GSE1: variants seen among roughly 807,000 people sequenced by gnomAD.
GSE1 encodes the protein genetic suppressor element 1.
GSE1 carries 32 observed loss-of-function variants against 112.6 expected under a neutral mutation model. That is an observed-to-expected ratio of 0.28 (90% CI 0.21 to 0.38). GSE1 has a LOEUF of 0.38. GSE1 is among the 10% of genes least tolerant of loss of function. The pLI is 1.00. For missense variants in GSE1, 2,348 were observed against 1,699.2 expected (o/e 1.38, Z -6.71); for synonymous variants, 1,115 against 735.6 (o/e 1.52, Z -8.35).
chr16:85,633,042 G>T (rs1345597597), intron 1 of GSE1, among the ~76,000 whole-genome samples: 1 of 150,184 alleles, frequency 6.7e-6, no homozygotes, highest in Non-Finnish European at 1.5e-5. Flanking sequence ...GTCACCACTG[G>T]CCGGGAGGGC....
intron 1 of GSE1, among the ~76,000 whole-genome samples, chr16:85,213,450 C>T (rs2143678320): frequency 6.6e-6 from 1 of 152,112 alleles, no homozygotes; most frequent in East Asian, 1.9e-4. Flanking sequence ...GAAACGCTGT[C>T]TCTAAAAATT....
intron 2 of GSE1, among the ~76,000 whole-genome samples, chr16:85,646,406 G>C (rs549982293): frequency 6.6e-6 from 1 of 152,376 alleles, no homozygotes; most frequent in Admixed American, 6.5e-5. Context: ...CTGTGACACG[G>C]GGTCTGGGTG....
chr16:85,313,811 C>T (rs1055977954), intron 1 of GSE1, among the ~76,000 whole-genome samples: 2 of 152,330 alleles, frequency 1.3e-5, no homozygotes, highest in African/African-American at 4.8e-5. Flanking sequence ...CCCTGGGCTG[C>T]GAGACCCTCG....
At chr16:85,182,944 A>G (rs1229814176) in intron 1 of GSE1, among the ~76,000 whole-genome samples, 1 of 151,942 alleles carries the variant, frequency 6.6e-6, no homozygotes, top group African/African-American at 2.4e-5. Flanking sequence ...ACGCTCGCAC[A>G]CTTGTATGCG....
chr16:85,287,945 A>ACCC (rs2045088240), intron 1 of GSE1, among the ~76,000 whole-genome samples: 1 of 152,194 alleles, frequency 6.6e-6, no homozygotes, highest in East Asian at 1.9e-4. Context: ...ATCATCATGA[A>ACCC]ATAAGCGCTA....
chr16:85,379,346 G>A lies in GSE1; in HGVS notation c.2464+21703G>A, dbSNP rs529332803. Among the ~76,000 whole-genome samples the A allele has an allele frequency of 4.0e-4, 61 of 152,212 alleles. 1 individual carries two copies. The highest frequency in any genetic ancestry group is 7.3e-4 in the Non-Finnish European group (50 of 68,038). On this transcript the variant is annotated intron_variant, in intron 2 of 2. Transcript: ENST00000637419. ...TTTGCTCCTCTCCATCACCCCCAGT[G>A]CCTAGAATGGTGCCTGGCCCCGTGA...
At chr16:85,542,102 G>C (rs2044540262) in intron 2 of GSE1, among the ~76,000 whole-genome samples, 1 of 132,802 alleles carries the variant, frequency 7.5e-6, no homozygotes, top group Non-Finnish European at 1.7e-5. Context: ...ATCCGGTTTT[G>C]ACCTTCTGGG....
intron 2 of GSE1, among the ~76,000 whole-genome samples, chr16:85,510,978 T>C (rs1389690300): frequency 6.6e-6 from 1 of 152,242 alleles, no homozygotes; most frequent in East Asian, 1.9e-4. Context: ...CCTCTCTGGC[T>C]TTATTTTTCC....
chr16:85,357,540 C>G lies in GSE1; in HGVS notation c.2361C>G (p.Pro787=), dbSNP rs1013541873. 8.6e-6 allele frequency: 11 copies of G among 1,284,542 alleles called. No homozygotes were observed. The African/African-American group carries it at 1.5e-4, about 18-fold the overall frequency. The allele number at this position is 1,284,542 out of a possible 1,614,324, so 79.6% of individuals were successfully genotyped here. Reference sequence around the variant, plus strand: ...AGTCCGAGACCCGGCCACGCGCCCCCACGGAGACCCTGCCCAGAGGCCCCA... The same window carrying G: ...AGTCCGAGACCCGGCCACGCGCCCCGACGGAGACCCTGCCCAGAGGCCCCA... Residue 787 remains proline (P), a synonymous_variant, in exon 2 of 3, where the codon CCC becomes CCG. Transcript: ENST00000637419.
In GSE1 at chr16:85,663,467, C is replaced by G. The variant is rs943403791; in HGVS notation, c.2497C>G (p.Gln833Glu). ...RERSPSPPTI[Q>E]SKRQTPSPRL... ...GAGAAGCCCGTCGCCCCCAACAATT[C>G]AGAGCAAGCGGCAGACGCCTTCACC... is the stretch of plus-strand genomic sequence containing the variant. Residue 833 changes from glutamine to glutamate, a missense_variant, in exon 11 of 16, where the codon CAG becomes GAG. By Grantham distance (29) the Gln-to-Glu change is conservative. Transcript: ENST00000253458. 10 of 1,613,952 alleles carry G rather than the reference C, an allele frequency of 6.2e-6. No homozygotes were observed. The highest frequency in any genetic ancestry group is 8.5e-6 in the Non-Finnish European group (10 of 1,180,032).
At chr16:85,181,903 A>C (rs1020778422) in intron 1 of GSE1, among the ~76,000 whole-genome samples, 4 of 152,148 alleles carry the variant, frequency 2.6e-5, no homozygotes, top group Non-Finnish European at 5.9e-5. Flanking sequence ...AGCTCTGTGA[A>C]TCTGCAGTCC....
At chr16:85,213,019 C>G (rs2075251393) in intron 1 of GSE1, among the ~76,000 whole-genome samples, 1 of 151,930 alleles carries the variant, frequency 6.6e-6, no homozygotes, top group South Asian at 2.1e-4. Flanking sequence ...TCCTGTAATC[C>G]CAACACTTTG....
intron 2 of GSE1, among the ~76,000 whole-genome samples, chr16:85,401,886 G>T (rs964551444): frequency 1.3e-5 from 2 of 152,210 alleles, no homozygotes; most frequent in Non-Finnish European, 2.9e-5. Context: ...TGTGCCTGGC[G>T]TGAGCCTGTG....
intron 1 of GSE1, among the ~76,000 whole-genome samples, chr16:85,589,552 C>T (rs979743658): frequency 6.6e-6 from 1 of 152,196 alleles, no homozygotes; most frequent in Non-Finnish European, 1.5e-5. Flanking sequence ...TTTACCAGCT[C>T]TCCAAGTGAA....
intron 1 of GSE1, among the ~76,000 whole-genome samples, chr16:85,630,027 G>T (rs985737292): frequency 1.3e-5 from 2 of 152,188 alleles, no homozygotes; most frequent in East Asian, 3.8e-4. Flanking sequence ...CTGGGGCTGC[G>T]GTCTCATCAG....
chr16:85,590,328 G>A (rs527612531), intron 1 of GSE1, among the ~76,000 whole-genome samples: 1 of 148,632 alleles, frequency 6.7e-6, no homozygotes, highest in South Asian at 2.1e-4. Context: ...GTGAATGTGA[G>A]TGTGTGTGAT....
rs143013090 is a variant in GSE1 at position 85,478,691 on chromosome 16, G to A, written c.2464+121048G>A. 3.7e-3 allele frequency among the ~76,000 whole-genome samples: 566 copies of A among 151,534 alleles called. 9 individuals are homozygous for A. The highest frequency in any genetic ancestry group is 0.013 in the African/African-American group (535 of 41,340). The stretch of plus-strand genomic sequence containing the variant: ...TCTTTTTTTCTCCTTTTTTTGAGGT[G>A]GAGTCTGGCTCTGTCGCCCAGGCTG... On this transcript the variant is annotated intron_variant, in intron 2 of 2. Transcript: ENST00000637419.
chr16:85,330,675 T>C (rs987412808), intron 1 of GSE1, among the ~76,000 whole-genome samples: 3 of 152,232 alleles, frequency 2.0e-5, no homozygotes, highest in African/African-American at 7.2e-5. Context: ...TCATTTTTTG[T>C]ATGTTTAAAA....
intron 1 of GSE1, among the ~76,000 whole-genome samples, chr16:85,332,368 C>G (rs984810308): frequency 2.0e-5 from 3 of 152,226 alleles, no homozygotes; most frequent in African/African-American, 7.2e-5. Context: ...CGAGCATGCA[C>G]TGCAGGTGCT....
Sources: gnomAD v4.1 joint callset for allele counts (sites outside exome capture counted in the v4.1 genomes callset) on GRCh38, gnomAD v4.1.1 for gene constraint, MANE v1.5 for transcripts, NCBI Gene and HGNC (gene_info 2026-07-23, HGNC 2026-07-21) for gene names.